Variants in VTI1A observed in about 807,000 individuals in gnomAD.
VTI1A encodes vesicle transport through interaction with t-SNAREs 1A.
In VTI1A, 22 loss-of-function variants were observed where a neutral mutation model predicts 34.9. The ratio of observed to expected loss-of-function variants is 0.63; its 90% CI spans 0.45 to 0.90. The LOEUF (loss-of-function observed/expected upper bound fraction) is 0.90. Among genes scored for constraint, VTI1A ranks in the 40% least tolerant of loss-of-function variants. The probability of loss-of-function intolerance (pLI) is 0.00; values close to 1 mark genes in which losing one functional copy is unlikely to be tolerated. For missense variants in VTI1A, 268 were observed against 275.6 expected (o/e 0.97, Z 0.20); for synonymous variants, 87 against 97.3 (o/e 0.89, Z 0.62).
intron 3 of VTI1A, among the ~76,000 whole-genome samples, chr10:112,511,610 C>G (rs1849611941): frequency 6.6e-6 from 1 of 151,974 alleles, no homozygotes. Flanking sequence ...GTGCTACCAC[C>G]CAAGTTAAGT....
intron 5 of VTI1A, among the ~76,000 whole-genome samples, chr10:112,643,651 G>A (rs920207542): frequency 9.2e-5 from 14 of 152,200 alleles, no homozygotes; most frequent in Admixed American, 9.2e-4. Flanking sequence ...TCTAAAAGGA[G>A]AATCATCGAG....
At chr10:112,505,249 T>C (rs879532613) in intron 3 of VTI1A, among the ~76,000 whole-genome samples, 5 of 152,204 alleles carry the variant, frequency 3.3e-5, no homozygotes, top group African/African-American at 4.8e-5. Flanking sequence ...TTGTCTTGTC[T>C]TTAATGGTTT....
At chr10:112,595,019 T>C (rs1844567301) in intron 5 of VTI1A, among the ~76,000 whole-genome samples, 2 of 145,612 alleles carry the variant, frequency 1.4e-5, no homozygotes, top group South Asian at 4.4e-4. Flanking sequence ...TATCTACAAC[T>C]ATCTGATCTT....
At chr10:112,720,821 A>G (rs531767484) in intron 7 of VTI1A, among the ~76,000 whole-genome samples, 2 of 152,352 alleles carry the variant, frequency 1.3e-5, no homozygotes, top group East Asian at 3.9e-4. Flanking sequence ...TAGGAAAGCA[A>G]GGACCTAAGA....
chr10:112,680,324 G>T (rs945185481), intron 7 of VTI1A, among the ~76,000 whole-genome samples: 1 of 152,016 alleles, frequency 6.6e-6, no homozygotes, highest in Non-Finnish European at 1.5e-5. Flanking sequence ...GTTATTCTTC[G>T]TAAGAACTCT....
intron 5 of VTI1A, among the ~76,000 whole-genome samples, chr10:112,546,180 CAT>C (rs1851114471): frequency 2.7e-5 from 4 of 149,954 alleles, no homozygotes; most frequent in Admixed American, 6.6e-5. Context: ...CACACACACA[CAT>C]ACGCACACAC....
chr10:112,805,814 GCT>G (rs1322460559), intron 7 of VTI1A, among the ~76,000 whole-genome samples: 1 of 152,112 alleles, frequency 6.6e-6, no homozygotes, highest in African/African-American at 2.4e-5. Context: ...CTCTCTCACT[GCT>G]CTCTCAGGGA....
In VTI1A at chr10:112,580,018, G is replaced by T. The variant is rs148654339; in HGVS notation, c.427+41688G>T. Among the ~76,000 whole-genome samples, 1,491 of 152,282 alleles carry T rather than the reference G, an allele frequency of 9.8e-3. 19 individuals are homozygous for T. Among genetic ancestry groups the T allele is most frequent in the South Asian group, 0.041 (197 of 4,822 alleles). On this transcript the variant is annotated intron_variant, in intron 5 of 7. Transcript: ENST00000393077. Reference sequence around the variant, plus strand: ...AAAAGTGACTGGGGAAGAAAAAAAGGTGGTTTTGATGAGGATTAGAATTAT... The same window carrying T: ...AAAAGTGACTGGGGAAGAAAAAAAGTTGGTTTTGATGAGGATTAGAATTAT...
intron 7 of VTI1A, among the ~76,000 whole-genome samples, chr10:112,787,058 A>C (rs541383806): frequency 1.8e-4 from 27 of 152,282 alleles, no homozygotes; most frequent in African/African-American, 5.8e-4. Context: ...GGAAGATTTT[A>C]AATTACTAAT....
At chr10:112,722,934 A>G (rs1432237308) in intron 7 of VTI1A, among the ~76,000 whole-genome samples, 1 of 152,184 alleles carries the variant, frequency 6.6e-6, no homozygotes, top group African/African-American at 2.4e-5. Context: ...TTCAAAGCCA[A>G]TGCTCTTTAG....
intron 4 of VTI1A, among the ~76,000 whole-genome samples, chr10:112,533,379 G>T (rs1850512807): frequency 6.6e-6 from 1 of 152,012 alleles, no homozygotes; most frequent in Admixed American, 6.6e-5. Context: ...CTATGTTTAG[G>T]TTCTTTTAAT....
intron 5 of VTI1A, among the ~76,000 whole-genome samples, chr10:112,576,777 T>A (rs1188238349): frequency 6.6e-6 from 1 of 152,224 alleles, no homozygotes; most frequent in African/African-American, 2.4e-5. Context: ...AGGCTATATA[T>A]GTCACAGCAG....
chr10:112,655,792 G>A (rs971891995), intron 5 of VTI1A, among the ~76,000 whole-genome samples: 4 of 152,198 alleles, frequency 2.6e-5, no homozygotes, highest in Non-Finnish European at 4.4e-5. Context: ...TGGCCCATAA[G>A]AAGGAGTTTG....
At chr10:112,796,130 G>A (rs1168873983) in intron 7 of VTI1A, among the ~76,000 whole-genome samples, 1 of 152,140 alleles carries the variant, frequency 6.6e-6, no homozygotes, top group Non-Finnish European at 1.5e-5. Context: ...CACGCGCGGT[G>A]GCTGCCCCCT....
At chr10:112,497,780 T>C (rs1849080002) in intron 3 of VTI1A, among the ~76,000 whole-genome samples, 1 of 152,230 alleles carries the variant, frequency 6.6e-6, no homozygotes, top group Non-Finnish European at 1.5e-5. Context: ...TTCACCTTAC[T>C]TTACCGTTAT....
At chr10:112,728,586 T>G (rs1369173236) in intron 7 of VTI1A, among the ~76,000 whole-genome samples, 1 of 152,196 alleles carries the variant, frequency 6.6e-6, no homozygotes, top group African/African-American at 2.4e-5. Context: ...ACCACCACAT[T>G]TTTTAAACAC....
intron 5 of VTI1A, among the ~76,000 whole-genome samples, chr10:112,653,876 T>G (rs1281272189): frequency 6.6e-6 from 1 of 152,178 alleles, no homozygotes; most frequent in Non-Finnish European, 1.5e-5. Flanking sequence ...GTTAATACTC[T>G]TAGGTGGAAG....
chr10:112,831,219 A>C, the VTI1A span: 2 of 152,134 alleles, frequency 1.3e-5, no homozygotes, highest in Admixed American at 6.5e-5. Flanking sequence ...TATTTCAGAC[A>C]ACCTGCTCAG....
chr10:112,497,024 A>G (rs1849050847), intron 3 of VTI1A, among the ~76,000 whole-genome samples: 2 of 152,200 alleles, frequency 1.3e-5, no homozygotes, highest in African/African-American at 4.8e-5. Flanking sequence ...TGATTATTAT[A>G]AAGTGATTTA....
Sources: allele counts gnomAD v4.1 joint callset (sites outside exome capture counted in the v4.1 genomes callset), GRCh38; gene constraint gnomAD v4.1.1; transcripts MANE v1.5; gene names NCBI Gene and HGNC (gene_info 2026-07-23, HGNC 2026-07-21).